NACA: variants seen among roughly 807,000 people sequenced by gnomAD.
The protein encoded by NACA is nascent polypeptide associated complex subunit alpha, also known as nascent polypeptide-associated complex subunit alpha.
NACA carries 42 observed loss-of-function variants against 86.4 expected under a neutral mutation model. The ratio of observed to expected loss-of-function variants is 0.49; its 90% CI spans 0.38 to 0.63. The LOEUF (loss-of-function observed/expected upper bound fraction) is 0.63. Ranked by LOEUF, NACA falls within the 20% of genes least tolerant of loss-of-function variation. The probability of loss-of-function intolerance (pLI) is 0.00; values close to 1 mark genes in which losing one functional copy is unlikely to be tolerated. For synonymous variants in NACA, 898 were observed against 973.7 expected (o/e 0.92, Z 1.45); for missense variants, 2,157 against 2,483.6 (o/e 0.87, Z 2.80).
rs531385852 is a variant in NACA at position 56,713,292 on chromosome 12, T to C, written c.5971-102A>G. Reference sequence around the variant, plus strand: ...TCTGTAAACCCATTCAGGTAACTTATTGTACAGCTTTAAACTGCTTGCCCT... The same window carrying C: ...TCTGTAAACCCATTCAGGTAACTTACTGTACAGCTTTAAACTGCTTGCCCT... On this transcript the variant is annotated intron_variant, in intron 6 of 8. Transcript: ENST00000454682. The C allele has an allele frequency of 9.8e-6, 14 of 1,435,180 alleles. No individual in the cohort carries two copies. The South Asian group carries it at 1.1e-4, about 12-fold the overall frequency. 88.9% of individuals were successfully genotyped at this position (1,435,180 alleles called of 1,614,324 possible).
chr12:56,722,645 G>A (rs1170105312), intron 2 of NACA, among the ~76,000 whole-genome samples: 6 of 152,174 alleles, frequency 3.9e-5, no homozygotes, highest in African/African-American at 7.2e-5. Flanking sequence ...CCAAGATCGC[G>A]CTACTGCATG....
intron 5 of NACA, chr12:56,714,092 C>T: frequency 2.3e-6 from 1 of 440,930 alleles, no homozygotes; most frequent in Non-Finnish European, 4.1e-6. Context: ...AGTGATCCAT[C>T]TGCCTTGGCC....
rs1565896218 is a variant in NACA, at chr12:56,718,606, C to T, written c.2924G>A (p.Gly975Glu). The change falls in exon 3 of 9, where the codon GGA (glycine) becomes GAA (glutamate). Residue 975 changes from glycine (G) to glutamate (E), a missense_variant. Transcript: ENST00000454682. ...PPAATPPSPK[G>E]GPATPSPKGA... is the part of the protein sequence containing the mutation. ...TTTGGGGGATGGAGTAGCTGGACCT[C>T]CTTTTGGGGAGGGAGGAGTTGCAGC... The T allele has an allele frequency of 1.6e-6, 2 of 1,286,020 alleles. No homozygotes were observed. Among genetic ancestry groups the T allele is most frequent in the Non-Finnish European group, 2.0e-6 (2 of 1,001,128 alleles). 79.7% of individuals were successfully genotyped at this position (1,286,020 alleles called of 1,614,324 possible).
chr12:56,716,990 T>C lies in NACA; in HGVS notation c.4540A>G (p.Lys1514Glu). 7.9e-7 allele frequency: 1 copy of C among 1,272,714 alleles called. No individual in the cohort carries two copies. Among genetic ancestry groups the C allele is most frequent in the Non-Finnish European group, 1.0e-6 (1 of 991,646 alleles). 78.8% of individuals were successfully genotyped at this position (1,272,714 alleles called of 1,614,324 possible). The change falls in exon 3 of 9, where the codon AAA becomes GAA. Residue 1514 changes from lysine (K) to glutamate (E), a missense_variant. This residue lies in a region of NACA where 797 missense variants were observed against 777.6 expected (regional missense o/e 1.02). Coordinates refer to ENST00000454682, the MANE Select transcript of NACA (RefSeq NM_001365896.1). ...GAGGATGGGGTAGCTGGGACCTCTT[T>C]GGGGGAAGAAGGAATCACAGCTGGC... ...TLPAVIPSSP[K>E]EVPATPSSRR...
At position 56,720,954 on chromosome 12, in the gene NACA, G is replaced by C. The variant is rs930761803; in HGVS notation, c.576C>G (p.Pro192=). The change falls in exon 3 of 9, where the codon CCC becomes CCG. Residue 192 remains proline (P), a synonymous_variant. Coordinates refer to ENST00000454682, the MANE Select transcript of NACA (RefSeq NM_001365896.1). Reference sequence around the variant, plus strand: ...CTTTTGGATTAGGGACTACCTCAGAGGGAACTTTATTAAGATTAGTCTTTG... The same window carrying C: ...CTTTTGGATTAGGGACTACCTCAGACGGAACTTTATTAAGATTAGTCTTTG... ...SEPKTNLNKV[P]SEVVPNPKGT... is the part of the protein sequence containing the mutation. The C allele has an allele frequency of 1.2e-6, 2 of 1,614,004 alleles. No individual in the cohort carries two copies. Among genetic ancestry groups the C allele is most frequent in the Non-Finnish European group, 1.7e-6 (2 of 1,179,888 alleles).
Position 56,721,392 on chromosome 12 carries a change from G to A in NACA, c.138C>T (p.Pro46=). The part of the protein sequence containing the change: ...AALGQPGPTL[P]PPCSPAPQQC... Reference sequence around the variant, plus strand: ...GTTGTGGGGCAGGAGAGCAAGGAGGGGGGAGGGTAGGTCCAGGCTGCCCTA... The same window carrying A: ...GTTGTGGGGCAGGAGAGCAAGGAGGAGGGAGGGTAGGTCCAGGCTGCCCTA... Residue 46 remains proline, a synonymous_variant, in exon 3 of 9, where the codon CCC becomes CCT. Coordinates refer to ENST00000454682, the MANE Select transcript of NACA (RefSeq NM_001365896.1). 1 of 1,570,630 alleles carries A rather than the reference G, an allele frequency of 6.4e-7. No individual in the cohort carries two copies. Among genetic ancestry groups the A allele is most frequent in the Non-Finnish European group, 8.6e-7 (1 of 1,162,252 alleles).
rs1404164973 is a variant in NACA, at chr12:56,713,918, T to G, written c.5824-235A>C. 8 of 476,164 alleles carry G rather than the reference T, an allele frequency of 1.7e-5. No homozygotes were observed. In the East Asian group the frequency reaches 3.0e-4, roughly 18 times the overall value. 29.5% of individuals were successfully genotyped at this position (476,164 alleles called of 1,614,324 possible). The stretch of plus-strand genomic sequence containing the variant: ...GTGCAGTGGTGCAATCTCGGCTCAA[T>G]GTAATGTCCGTCTCCCAGGTTCAAG... On this transcript the variant is annotated intron_variant, in intron 5 of 8. Coordinates refer to ENST00000454682, the MANE Select transcript of NACA (RefSeq NM_001365896.1).
chr12:56,717,397 T>C lies in NACA; in HGVS notation c.4133A>G (p.His1378Arg). The part of the protein sequence containing the change: ...GPTPPAATPS[H>R]KGGPAMTPPS... ...AGGAGTCATAGCGGGACCTCCTTTG[T>C]GGGAGGGGGTTGCAGCTGGGGGAGT... is the stretch of plus-strand genomic sequence containing the variant. The change falls in exon 3 of 9, where the codon CAC (histidine) becomes CGC (arginine). Residue 1378 changes from histidine (H) to arginine (R), a missense_variant. Transcript: ENST00000454682. 3 of 972,628 alleles carry C rather than the reference T, an allele frequency of 3.1e-6. No homozygotes were observed. Among genetic ancestry groups the C allele is most frequent in the South Asian group, 2.8e-5 (1 of 35,642 alleles). 60.2% of individuals were successfully genotyped at this position (972,628 alleles called of 1,614,324 possible). A position where few individuals can be genotyped will look rare whatever the true frequency, so the allele number is the denominator to read the frequency against.
In NACA at chr12:56,717,623, T is replaced by A. The variant is rs780761309; in HGVS notation, c.3907A>T (p.Thr1303Ser). Residue 1303 changes from threonine (T) to serine (S), a missense_variant, in exon 3 of 9, where the codon ACC becomes TCC. Coordinates refer to ENST00000454682, the MANE Select transcript of NACA (RefSeq NM_001365896.1). ...GTGGGGGCCCCTTTGGGGGGTGAGGTAGCTGGGCCTCCTTTTGGAGAGGGA... is the reference window on the plus strand; with the variant it reads ...GTGGGGGCCCCTTTGGGGGGTGAGGAAGCTGGGCCTCCTTTTGGAGAGGGA... The part of the protein sequence containing the change: ...TPPSPKGGPA[T>S]SPPKGAPTPP... 1.6e-6 allele frequency: 2 copies of A among 1,212,218 alleles called. No homozygotes were observed. Among genetic ancestry groups the A allele is most frequent in the South Asian group, 3.9e-5 (2 of 51,154 alleles). 75.1% of individuals were successfully genotyped at this position (1,212,218 alleles called of 1,614,324 possible). A position where few individuals can be genotyped will look rare whatever the true frequency, so the allele number is the denominator to read the frequency against.
chr12:56,719,443 G>T lies in NACA; in HGVS notation c.2087C>A (p.Thr696Asn), dbSNP rs368887203. Residue 696 changes from threonine (T) to asparagine (N), a missense_variant, in exon 3 of 9, where the codon ACT (threonine) becomes AAT (asparagine). Around this residue, in one of 8 missense-constraint regions of NACA, gnomAD observed 947 missense variants for 917.9 expected, o/e 1.03. Coordinates refer to ENST00000454682, the MANE Select transcript of NACA (RefSeq NM_001365896.1). ...KNHPVKEGTLTTLPLVPTASE... is the reference protein window; with the variant it reads ...KNHPVKEGTLNTLPLVPTASE... ...AGCTGTAGGAACCAAGGGTAAAGTAGTAAGAGTACCTTCCTTAACTGGGTG... is the reference window on the plus strand; with the variant it reads ...AGCTGTAGGAACCAAGGGTAAAGTATTAAGAGTACCTTCCTTAACTGGGTG... 6.2e-7 allele frequency: 1 copy of T among 1,613,234 alleles called. No individual in the cohort carries two copies. Among genetic ancestry groups the T allele is most frequent in the East Asian group, 2.2e-5 (1 of 44,872 alleles).
rs773714939 is a variant in NACA at position 56,720,674 on chromosome 12, C to T, written c.856G>A (p.Val286Met). 6.2e-7 allele frequency: 1 copy of T among 1,613,882 alleles called. No individual in the cohort carries two copies. Among genetic ancestry groups the T allele is most frequent in the Non-Finnish European group, 8.5e-7 (1 of 1,179,892 alleles). Reference protein sequence around the residue: ...LSLSTQSLPVVTSSQKTAGPN... With the variant: ...LSLSTQSLPVMTSSQKTAGPN... Reference sequence around the variant, plus strand: ...CCCGCAGTCTTTTGAGAAGAGGTCACCACAGGAAGAGACTGAGTTGAAAGA... The same window carrying T: ...CCCGCAGTCTTTTGAGAAGAGGTCATCACAGGAAGAGACTGAGTTGAAAGA... Residue 286 changes from valine to methionine, a missense_variant, in exon 3 of 9, where the codon GTG becomes ATG. Transcript: ENST00000454682.
rs1409816968 is a variant in NACA at position 56,715,938 on chromosome 12, G to A, written c.5592C>T (p.Thr1864=). The A allele has an allele frequency of 1.3e-6, 2 of 1,532,896 alleles. No individual in the cohort carries two copies. Among genetic ancestry groups the A allele is most frequent in the African/African-American group, 1.4e-5 (1 of 72,192 alleles). The allele number at this position is 1,532,896 out of a possible 1,614,324, so 95.0% of individuals were successfully genotyped here. Residue 1864 remains threonine, a synonymous_variant, in exon 3 of 9, where the codon ACC becomes ACT. Transcript: ENST00000454682. ...GGACAGGGATTCCAGCAGATTTAGG[G>A]GTGGGCATGTTGACGAGGACCGACT... ...PFQSVLVNMP[T]PKSAGIPVPT... is the part of the protein sequence containing the mutation.
chr12:56,713,251 T>C (rs1211870305), intron 6 of NACA, 61 bp from the exon 7 acceptor site: 2 of 1,569,562 alleles, frequency 1.3e-6, no homozygotes, highest in East Asian at 2.3e-5. Context: ...AAATAAATCA[T>C]ATAGTTTCAC....
chr12:56,721,954 C>T (rs1270044566), intron 2 of NACA, among the ~76,000 whole-genome samples: 1 of 152,148 alleles, frequency 6.6e-6, no homozygotes, highest in Non-Finnish European at 1.5e-5. Flanking sequence ...AAAACTGGAA[C>T]AAAGAAGTTA....
In NACA at chr12:56,720,641, T is replaced by G. The variant is rs1297188635; in HGVS notation, c.889A>C (p.Thr297Pro). ...AGAGAAATGGGAAAATCTGGGGGGGTGTTGGGACCCGCAGTCTTTTGAGAA... is the reference window on the plus strand; with the variant it reads ...AGAGAAATGGGAAAATCTGGGGGGGGGTTGGGACCCGCAGTCTTTTGAGAA... The part of the protein sequence containing the change: ...TSSQKTAGPN[T>P]PPDFPISLGS... Residue 297 changes from threonine to proline, a missense_variant, in exon 3 of 9, where the codon ACC (threonine) becomes CCC (proline). Thr to Pro is a conservative substitution (Grantham distance 38). Coordinates refer to ENST00000454682, the MANE Select transcript of NACA (RefSeq NM_001365896.1). 1.1e-5 allele frequency: 17 copies of G among 1,613,394 alleles called. No homozygotes were observed. Among genetic ancestry groups the G allele is most frequent in the Non-Finnish European group, 1.4e-5 (17 of 1,179,800 alleles).
rs754152445 is a variant in NACA, at chr12:56,720,432, T to C, written c.1098A>G (p.Val366=). 3 of 1,613,790 alleles carry C rather than the reference T, an allele frequency of 1.9e-6. No individual in the cohort carries two copies. The highest frequency in any genetic ancestry group is 2.2e-5 in the East Asian group (1 of 44,882). Residue 366 remains valine (V), a synonymous_variant, in exon 3 of 9, where the codon GTA becomes GTG. Transcript: ENST00000454682. ...GAAAGGCAGCCACAGTAGCAGGAAC[T>C]ACCTCATTTCTGGAAGGAAGGGGAG... ...VIPPLPSRNE[V]VPATVAAFPV...
At chr12:56,725,206 G>A (rs1953684081) in intron 1 of NACA, 57 bp downstream of exon 1, 1 of 152,506 alleles carries the variant, frequency 6.6e-6, no homozygotes, top group South Asian at 2.1e-4. Flanking sequence ...GGGCGGCTTA[G>A]CCCGAAAGAA....
In NACA at chr12:56,725,263, T is replaced by G. The variant is rs570890246; in HGVS notation, c.-3A>C. 1 of 153,124 alleles carries G rather than the reference T, an allele frequency of 6.5e-6. No individual in the cohort carries two copies. The highest frequency in any genetic ancestry group is 1.9e-4 in the East Asian group (1 of 5,230). 9.5% of individuals were successfully genotyped at this position (153,124 alleles called of 1,614,324 possible). ...CAGTAGCGGCACAGAAAGTACTTAC[T>G]GTGCAGGGAACGCGGAACCAAGATG... On this transcript the variant is annotated splice_region_variant and 5_prime_UTR_variant, in exon 1 of 9. Coordinates refer to ENST00000454682, the MANE Select transcript of NACA (RefSeq NM_001365896.1).
intron 3 of NACA, 140 bp from the exon 4 acceptor site, chr12:56,714,827 A>T: frequency 1.3e-6 from 1 of 745,436 alleles, no homozygotes; most frequent in Admixed American, 2.4e-5. Flanking sequence ...GCTTGTGTGA[A>T]GTCAGCTTGA....
Sources: allele counts gnomAD v4.1 joint callset (sites outside exome capture counted in the v4.1 genomes callset), GRCh38; gene constraint gnomAD v4.1.1; regional missense constraint gnomAD v4.1.1; transcripts MANE v1.5; gene names NCBI Gene and HGNC (gene_info 2026-07-23, HGNC 2026-07-21).